The following PTPRD variants were observed in gnomAD, a reference collection of about 807,000 sequenced individuals.
PTPRD encodes receptor-type tyrosine-protein phosphatase delta.
Under a neutral mutation model 214.5 loss-of-function variants are expected in PTPRD, and 34 were observed. That is an observed-to-expected ratio of 0.16 (90% CI 0.12 to 0.21). The LOEUF (loss-of-function observed/expected upper bound fraction) is 0.21, where lower values mean the gene tolerates loss of function less well. Among genes scored for constraint, PTPRD ranks in the 10% least tolerant of loss-of-function variants. PTPRD has a pLI of 1.00. For missense variants in PTPRD, 2,545 were observed against 2,398.7 expected, an observed-to-expected ratio of 1.06 and a Z score of -1.27; for synonymous variants, 1,128 against 845.7, an observed-to-expected ratio of 1.33 and a Z score of -5.79.
chr9:9,564,238 G>A (rs1241584963), intron 8 of PTPRD, among the ~76,000 whole-genome samples: 1 of 152,074 alleles, frequency 6.6e-6, no homozygotes, highest in African/African-American at 2.4e-5. Context: ...GCTCACAGAT[G>A]TGCAAAAGAA....
chr9:9,841,407 C>T (rs529460727), intron 5 of PTPRD, among the ~76,000 whole-genome samples: 1 of 151,764 alleles, frequency 6.6e-6, no homozygotes, highest in Non-Finnish European at 1.5e-5. Context: ...TTAAAATAAG[C>T]AAAATAACTA....
At chr9:10,340,152 C>T (rs963199196) in intron 3 of PTPRD, among the ~76,000 whole-genome samples, 1 of 151,840 alleles carries the variant, frequency 6.6e-6, no homozygotes, top group Non-Finnish European at 1.5e-5. Flanking sequence ...CTTCTAAATG[C>T]TCATTCCACA....
chr9:9,908,363 C>A (rs1347955449), intron 5 of PTPRD, among the ~76,000 whole-genome samples: 7 of 151,884 alleles, frequency 4.6e-5, no homozygotes, highest in African/African-American at 1.7e-4. Context: ...TCAACTGGAA[C>A]ATGTGAACAG....
intron 9 of PTPRD, among the ~76,000 whole-genome samples, chr9:9,312,548 G>A (rs115529303): frequency 5.3e-5 from 8 of 152,188 alleles, no homozygotes; most frequent in South Asian, 2.1e-4. Flanking sequence ...TCTGGTTTCC[G>A]CCTACATCCC....
intron 11 of PTPRD, among the ~76,000 whole-genome samples, chr9:8,992,545 T>C (rs1204086722): frequency 6.6e-6 from 1 of 152,188 alleles, no homozygotes; most frequent in African/African-American, 2.4e-5. Flanking sequence ...ACTAGAGGTT[T>C]GGTTATTTAG....
At chr9:10,514,160 A>G in intron 2 of PTPRD, among the ~76,000 whole-genome samples, 1 of 152,304 alleles carries the variant, frequency 6.6e-6, no homozygotes, top group South Asian at 2.1e-4. Flanking sequence ...TATAAAATGA[A>G]TAATCAACTA....
At position 9,389,015 on chromosome 9, in the gene PTPRD, G is replaced by A. The variant is rs145672484; in HGVS notation, c.-203+8434C>T. The stretch of plus-strand genomic sequence containing the variant: ...ATTTCAGTTTGTAATAGGAGTCTAT[G>A]GGATTGTCTCTGACTTTGGGCAAGT... On this transcript the variant is annotated intron_variant, in intron 9 of 45. Transcript: ENST00000381196. 6.6e-3 allele frequency among the ~76,000 whole-genome samples: 1,009 copies of A among 152,188 alleles called. 10 individuals are homozygous for A. Among genetic ancestry groups the A allele is most frequent in the African/African-American group, 0.023 (968 of 41,516 alleles).
intron 11 of PTPRD, among the ~76,000 whole-genome samples, chr9:8,752,967 C>G (rs1425045721): frequency 6.6e-6 from 1 of 152,148 alleles, no homozygotes; most frequent in Non-Finnish European, 1.5e-5. Flanking sequence ...CACTATAAAA[C>G]AAAGATAAAT....
chr9:9,287,917 C>T (rs1369365880), intron 9 of PTPRD, among the ~76,000 whole-genome samples: 1 of 151,494 alleles, frequency 6.6e-6, no homozygotes, highest in East Asian at 2.0e-4. Flanking sequence ...CCTTTGAAAG[C>T]ATGACTTTTT....
intron 36 of PTPRD, among the ~76,000 whole-genome samples, chr9:8,403,559 T>C (rs1262511797): frequency 6.6e-6 from 1 of 152,218 alleles, no homozygotes; most frequent in Admixed American, 6.5e-5. Flanking sequence ...GATGAACTTC[T>C]AGTTGTTTTA....
At chr9:10,511,633 C>G (rs1340622934) in intron 2 of PTPRD, among the ~76,000 whole-genome samples, 1 of 144,132 alleles carries the variant, frequency 6.9e-6, no homozygotes, top group Non-Finnish European at 1.5e-5. Context: ...TCAGGCTGGT[C>G]TTGAACTCCT....
chr9:10,202,564 A>T (rs1000428560), intron 3 of PTPRD, among the ~76,000 whole-genome samples: 33 of 140,742 alleles, frequency 2.3e-4, no homozygotes, highest in Non-Finnish European at 3.9e-4. Flanking sequence ...TCTTCAAATT[A>T]TCCTATGTTT....
intron 3 of PTPRD, among the ~76,000 whole-genome samples, chr9:10,062,346 C>T (rs767860574): frequency 9.2e-5 from 14 of 152,172 alleles, no homozygotes; most frequent in African/African-American, 2.6e-4. Flanking sequence ...GGCTCGATGC[C>T]TGTAATCCCA....
chr9:8,735,955 G>A (rs1047240477), intron 11 of PTPRD, among the ~76,000 whole-genome samples: 3 of 149,026 alleles, frequency 2.0e-5, no homozygotes, highest in Admixed American at 6.7e-5. Flanking sequence ...AAAAAAAATA[G>A]GTCACAGAGA....
At chr9:8,368,544 C>A (rs1216280182) in intron 39 of PTPRD, among the ~76,000 whole-genome samples, 1 of 152,110 alleles carries the variant, frequency 6.6e-6, no homozygotes, top group Non-Finnish European at 1.5e-5. Flanking sequence ...GCATTTATAT[C>A]TATTATGCTT....
chr9:8,993,856 A>G lies in PTPRD; in HGVS notation c.-104+24841T>C, dbSNP rs2099386713. On this transcript the variant is annotated intron_variant, in intron 11 of 45. Coordinates refer to ENST00000381196, the MANE Select transcript of PTPRD (RefSeq NM_002839.4). The stretch of plus-strand genomic sequence containing the variant: ...CGAAGAGTTATACAACAGCTCATTT[A>G]TAAAACCTAGCAGGAGGGACACAAT... Among the ~76,000 whole-genome samples, 4 of 152,264 alleles carry G rather than the reference A, an allele frequency of 2.6e-5. No individual in the cohort carries two copies. The South Asian group carries it at 8.3e-4, about 32-fold the overall frequency.
At chr9:8,452,219 T>A (rs1044201049) in intron 33 of PTPRD, among the ~76,000 whole-genome samples, 2 of 152,338 alleles carry the variant, frequency 1.3e-5, no homozygotes, top group Admixed American at 1.3e-4. Flanking sequence ...GAAAACCAGC[T>A]GCTTAAATGT....
At chr9:9,592,988 T>A (rs1214573470) in intron 7 of PTPRD, among the ~76,000 whole-genome samples, 1 of 151,396 alleles carries the variant, frequency 6.6e-6, no homozygotes, top group Non-Finnish European at 1.5e-5. Flanking sequence ...GAGGCTGCAG[T>A]GAGCCAAGAT....
intron 9 of PTPRD, among the ~76,000 whole-genome samples, chr9:9,286,210 C>T (rs1949305822): frequency 6.6e-6 from 1 of 151,768 alleles, no homozygotes; most frequent in Non-Finnish European, 1.5e-5. Flanking sequence ...ATTCTGTTTC[C>T]TTACCATCTC....
Sources: gnomAD v4.1 joint callset for allele counts (sites outside exome capture counted in the v4.1 genomes callset) on GRCh38, gnomAD v4.1.1 for gene constraint, MANE v1.5 for transcripts, NCBI Gene and HGNC (gene_info 2026-07-23, HGNC 2026-07-21) for gene names.